Variants in SARNP observed in about 807,000 individuals in gnomAD.
The protein encoded by SARNP is SAP domain containing ribonucleoprotein.
A neutral mutation model predicts 38.1 loss-of-function variants in SARNP; 5 were observed. That is an observed-to-expected ratio of 0.13 (90% CI 0.07 to 0.28). The LOEUF (loss-of-function observed/expected upper bound fraction) is 0.28. SARNP is among the 10% of genes least tolerant of loss of function. The pLI, the probability that SARNP is intolerant of heterozygous loss-of-function variation, is 1.00. For synonymous variants in SARNP, 84 were observed against 80.6 expected, an observed-to-expected ratio of 1.04 and a Z score of -0.23; for missense variants, 180 against 243.9, an observed-to-expected ratio of 0.74 and a Z score of 1.75.
chr12:55,763,825 G>A (rs1000244053), intron 9 of SARNP, among the ~76,000 whole-genome samples: 5 of 152,172 alleles, frequency 3.3e-5, no homozygotes, highest in Admixed American at 2.6e-4. Flanking sequence ...GGAAAATTTA[G>A]TCTTGGAGAG....
chr12:55,780,784 A>T (rs1008931014), intron 9 of SARNP, among the ~76,000 whole-genome samples: 3 of 152,266 alleles, frequency 2.0e-5, no homozygotes, highest in Non-Finnish European at 4.4e-5. Flanking sequence ...GGGAAGTAGT[A>T]GGGATATGCT....
chr12:55,799,641 C>T (rs1879922506), intron 4 of SARNP, among the ~76,000 whole-genome samples: 1 of 150,152 alleles, frequency 6.7e-6, no homozygotes, highest in Middle Eastern at 3.5e-3. Flanking sequence ...GCAACCTCCA[C>T]CTCCCAGGTT....
chr12:55,817,336 A>T (rs533541315), intron 1 of SARNP, among the ~76,000 whole-genome samples: 1 of 152,346 alleles, frequency 6.6e-6, no homozygotes, highest in East Asian at 1.9e-4. Context: ...TGGGGCAAAA[A>T]GGAGGGACCA....
At chr12:55,763,873 G>A (rs1024960980) in intron 9 of SARNP, among the ~76,000 whole-genome samples, 1 of 152,072 alleles carries the variant, frequency 6.6e-6, no homozygotes, top group Non-Finnish European at 1.5e-5. Flanking sequence ...AATAATACGA[G>A]GATTGGAATC....
At chr12:55,811,227 A>G (rs1880318968) in intron 1 of SARNP, among the ~76,000 whole-genome samples, 1 of 152,168 alleles carries the variant, frequency 6.6e-6, no homozygotes, top group African/African-American at 2.4e-5. Context: ...TTGGTATTAC[A>G]ATTAGGCTTA....
intron 9 of SARNP, among the ~76,000 whole-genome samples, chr12:55,779,600 T>C (rs1231559776): frequency 6.6e-6 from 1 of 152,206 alleles, no homozygotes; most frequent in African/African-American, 2.4e-5. Flanking sequence ...TAATATCCTA[T>C]GCATGGCCCC....
chr12:55,810,805 G>A (rs1329049505), intron 1 of SARNP, among the ~76,000 whole-genome samples: 2 of 151,732 alleles, frequency 1.3e-5, no homozygotes, highest in Non-Finnish European at 2.9e-5. Flanking sequence ...GGCCAGGCGC[G>A]GTGGCTCACG....
In SARNP at chr12:55,813,118, G is replaced by C. The variant is rs142101409; in HGVS notation, c.36+4548C>G. ...GCGCCACCAGGCCCAGCTACTTTTG[G>C]TATTTTTAGTAGAGATGGGGTTTCA... On this transcript the variant is annotated intron_variant, in intron 1 of 10. Coordinates refer to ENST00000336133, the MANE Select transcript of SARNP (RefSeq NM_033082.4). 3.9e-3 allele frequency among the ~76,000 whole-genome samples: 594 copies of C among 152,160 alleles called. 3 individuals are homozygous for C. Among genetic ancestry groups the C allele is most frequent in the South Asian group, 9.3e-3 (45 of 4,822 alleles).
chr12:55,809,116 G>C (rs1348458737), intron 1 of SARNP, among the ~76,000 whole-genome samples: 2 of 152,048 alleles, frequency 1.3e-5, no homozygotes, highest in Admixed American at 1.3e-4. Context: ...TAAAGCTGGA[G>C]GATGGCCTGA....
rs116305401 is a variant in SARNP, at chr12:55,795,439, A to C, written c.304-559T>G. On this transcript the variant is annotated intron_variant, in intron 5 of 10. Transcript: ENST00000336133. Reference sequence around the variant, plus strand: ...AAACAAAAGGGAGAAATAAAGTAAAACCTACATTATGCATGAAGCCAAGAA... The same window carrying C: ...AAACAAAAGGGAGAAATAAAGTAAACCCTACATTATGCATGAAGCCAAGAA... Among the ~76,000 whole-genome samples, 523 of 152,284 alleles carry C rather than the reference A, an allele frequency of 3.4e-3. 2 individuals carry two copies. Among genetic ancestry groups the C allele is most frequent in the African/African-American group, 0.012 (497 of 41,560 alleles).
At chr12:55,777,804 G>C (rs961323279) in intron 9 of SARNP, among the ~76,000 whole-genome samples, 68 of 152,186 alleles carry the variant, frequency 4.5e-4, no homozygotes, top group African/African-American at 1.6e-3. Flanking sequence ...AAGAGAAGTT[G>C]AGCAAAGAAA....
intron 9 of SARNP, among the ~76,000 whole-genome samples, chr12:55,787,711 C>T (rs1293366014): frequency 1.3e-5 from 2 of 151,814 alleles, no homozygotes; most frequent in South Asian, 2.1e-4. Context: ...GCTGGGATTA[C>T]AGGCACGGTG....
At chr12:55,769,229 C>A (rs763603758) in intron 9 of SARNP, among the ~76,000 whole-genome samples, 1 of 152,182 alleles carries the variant, frequency 6.6e-6, no homozygotes, top group South Asian at 2.1e-4. Context: ...TATGTGACAT[C>A]AGGTTCAATC....
At chr12:55,767,805 C>T (rs1008629108) in intron 9 of SARNP, among the ~76,000 whole-genome samples, 4 of 145,122 alleles carry the variant, frequency 2.8e-5, no homozygotes, top group Non-Finnish European at 6.0e-5. Flanking sequence ...CGAGATCGCG[C>T]CACTGCACTC....
chr12:55,787,241 TAAAAAAA>T (rs4016515), intron 9 of SARNP, among the ~76,000 whole-genome samples: 1 of 103,454 alleles, frequency 9.7e-6, no homozygotes, highest in South Asian at 3.1e-4. Context: ...CAAAAAAGAC[TAAAAAAA>T]AAAAAAAAAG....
intron 1 of SARNP, among the ~76,000 whole-genome samples, chr12:55,804,084 T>G (rs989778648): frequency 2.0e-5 from 3 of 152,204 alleles, no homozygotes; most frequent in African/African-American, 7.2e-5. Context: ...ATTGGAAGAA[T>G]GAACCTTCAA....
intron 2 of SARNP, among the ~76,000 whole-genome samples, chr12:55,801,743 A>T (rs927006875): frequency 1.3e-5 from 2 of 152,004 alleles, no homozygotes; most frequent in Non-Finnish European, 2.9e-5. Flanking sequence ...TTAGCCTCCC[A>T]AGTAGGTAGG....
intron 9 of SARNP, among the ~76,000 whole-genome samples, chr12:55,776,842 C>A (rs1336281062): frequency 6.6e-6 from 1 of 152,176 alleles, no homozygotes; most frequent in African/African-American, 2.4e-5. Flanking sequence ...CTTACCCAGA[C>A]AATAAGCCCA....
At chr12:55,762,646 G>C (rs1044740192) in intron 9 of SARNP, 1 of 152,164 alleles carries the variant, frequency 6.6e-6, no homozygotes, top group Non-Finnish European at 1.5e-5. Context: ...GGAAATTATA[G>C]TCCTACAGTC....
Sources: allele counts gnomAD v4.1 joint callset (sites outside exome capture counted in the v4.1 genomes callset), GRCh38; gene constraint gnomAD v4.1.1; transcripts MANE v1.5; gene names NCBI Gene and HGNC (gene_info 2026-07-23, HGNC 2026-07-21).